Variants in ATRNL1 observed in about 807,000 individuals in gnomAD.
ATRNL1 encodes the protein attractin like 1.
Under a neutral mutation model 182.7 loss-of-function variants are expected in ATRNL1, and 95 were observed. The observed-to-expected ratio is 0.52, with a 90% CI of 0.44 to 0.62. The LOEUF is 0.62. ATRNL1 is among the 20% of genes least tolerant of loss of function. The pLI is 0.00. For missense variants in ATRNL1, 1,471 were observed against 1,679.5 expected (o/e 0.88, Z 2.17); for synonymous variants, 576 against 568.3 (o/e 1.01, Z -0.19).
intron 28 of ATRNL1, among the ~76,000 whole-genome samples, chr10:115,922,734 G>T (rs577959114): frequency 2.0e-5 from 3 of 152,146 alleles, no homozygotes. Context: ...ATGTAGTAGC[G>T]TAAGAACATG....
chr10:115,912,454 A>G (rs967602493), intron 28 of ATRNL1, among the ~76,000 whole-genome samples: 28 of 151,932 alleles, frequency 1.8e-4, no homozygotes, highest in Non-Finnish European at 2.6e-4. Flanking sequence ...ATGATGAAAC[A>G]GGCACATTTT....
chr10:115,899,627 GT>G (rs1952301369), intron 28 of ATRNL1, among the ~76,000 whole-genome samples: 1 of 152,082 alleles, frequency 6.6e-6, no homozygotes, highest in Non-Finnish European at 1.5e-5. Context: ...AAATTTTTAA[GT>G]AAAATGTTGC....
At chr10:115,194,612 G>C (rs1848289672) in intron 8 of ATRNL1, among the ~76,000 whole-genome samples, 2 of 151,544 alleles carry the variant, frequency 1.3e-5, no homozygotes, top group Non-Finnish European at 2.9e-5. Context: ...GTTTCTTCTA[G>C]GCAGCATGTA....
chr10:115,922,369 A>T (rs868923490), intron 28 of ATRNL1, among the ~76,000 whole-genome samples: 1 of 152,242 alleles, frequency 6.6e-6, no homozygotes, highest in Non-Finnish European at 1.5e-5. Context: ...AAAATTAAAT[A>T]TACTTAAGAT....
At chr10:115,286,660 A>G (rs1205163337) in intron 15 of ATRNL1, among the ~76,000 whole-genome samples, 2 of 152,038 alleles carry the variant, frequency 1.3e-5, no homozygotes, top group African/African-American at 4.8e-5. Flanking sequence ...CTTAAAGAGT[A>G]TATAATTTAA....
intron 10 of ATRNL1, among the ~76,000 whole-genome samples, chr10:115,259,915 G>T (rs1352672644): frequency 5.9e-5 from 9 of 152,120 alleles, no homozygotes; most frequent in African/African-American, 2.2e-4. Context: ...ATAATTTTGT[G>T]CCAGAAGGAA....
At chr10:115,375,228 A>G (rs1459388176) in intron 19 of ATRNL1, among the ~76,000 whole-genome samples, 2 of 151,728 alleles carry the variant, frequency 1.3e-5, no homozygotes, top group Non-Finnish European at 2.9e-5. Flanking sequence ...TTATTACCTA[A>G]TGACCTTCTT....
At chr10:115,387,794 A>T (rs1843743594) in intron 19 of ATRNL1, among the ~76,000 whole-genome samples, 1 of 152,004 alleles carries the variant, frequency 6.6e-6, no homozygotes, top group South Asian at 2.1e-4. Context: ...ATTATATTCC[A>T]TTGTATGGAT....
At chr10:115,867,554 G>C (rs891764279) in intron 28 of ATRNL1, among the ~76,000 whole-genome samples, 1 of 152,078 alleles carries the variant, frequency 6.6e-6, no homozygotes, top group Non-Finnish European at 1.5e-5. Context: ...TCCAAGTTCA[G>C]TGTCATTAGC....
intron 26 of ATRNL1, among the ~76,000 whole-genome samples, chr10:115,591,080 A>G (rs1175592354): frequency 2.0e-5 from 3 of 152,224 alleles, no homozygotes; most frequent in Non-Finnish European, 2.9e-5. Flanking sequence ...CTGTACTAGC[A>G]CGTACAAGAT....
intron 27 of ATRNL1, among the ~76,000 whole-genome samples, chr10:115,737,360 C>T (rs1166242878): frequency 4.0e-5 from 6 of 151,106 alleles, no homozygotes; most frequent in Non-Finnish European, 8.8e-5. Context: ...TGCATGAGCC[C>T]GGGAGTTCGA....
intron 27 of ATRNL1, among the ~76,000 whole-genome samples, chr10:115,758,756 C>G (rs553832328): frequency 6.6e-6 from 1 of 152,318 alleles, no homozygotes; most frequent in South Asian, 2.1e-4. Flanking sequence ...GTGCTTTGTC[C>G]CAGGGAGCTG....
At chr10:115,437,745 A>G (rs1324134115) in intron 21 of ATRNL1, among the ~76,000 whole-genome samples, 1 of 152,002 alleles carries the variant, frequency 6.6e-6, no homozygotes, top group Non-Finnish European at 1.5e-5. Context: ...TGGGAATCTG[A>G]CTTTTGAAAT....
intron 8 of ATRNL1, among the ~76,000 whole-genome samples, chr10:115,205,725 G>A (rs1554893575): frequency 1.3e-5 from 2 of 151,804 alleles, no homozygotes; most frequent in Non-Finnish European, 2.9e-5. Flanking sequence ...TTTGGAATGC[G>A]GAAACCTTAC....
intron 27 of ATRNL1, among the ~76,000 whole-genome samples, chr10:115,740,447 A>G (rs1216637002): frequency 2.0e-5 from 3 of 152,086 alleles, no homozygotes; most frequent in Non-Finnish European, 4.4e-5. Flanking sequence ...AGGTGGGAGG[A>G]TCATATGAGG....
At chr10:115,361,862 A>C (rs1451107582) in intron 19 of ATRNL1, among the ~76,000 whole-genome samples, 3 of 152,076 alleles carry the variant, frequency 2.0e-5, no homozygotes, top group African/African-American at 7.2e-5. Flanking sequence ...TAAGGTTTAA[A>C]TTATTGTTTA....
intron 19 of ATRNL1, among the ~76,000 whole-genome samples, chr10:115,348,728 T>G (rs550286561): frequency 6.6e-6 from 1 of 152,298 alleles, no homozygotes; most frequent in South Asian, 2.1e-4. Flanking sequence ...TATAGTGTTA[T>G]GAAGAAATTG....
chr10:115,730,990 T>C (rs558009085), intron 27 of ATRNL1, among the ~76,000 whole-genome samples: 1 of 152,212 alleles, frequency 6.6e-6, no homozygotes, highest in East Asian at 1.9e-4. Flanking sequence ...CAGTCTAGTC[T>C]TTTCGTGTTT....
chr10:115,389,556 A>ATATATGTATGTATG (rs1843888896), intron 19 of ATRNL1, among the ~76,000 whole-genome samples: 1 of 75,284 alleles, frequency 1.3e-5, no homozygotes, highest in African/African-American at 4.9e-5. Context: ...ATATATATAT[A>ATATATGTATGTATG]TATATATATA....
Sources: gnomAD v4.1 joint callset for allele counts (sites outside exome capture counted in the v4.1 genomes callset) on GRCh38, gnomAD v4.1.1 for gene constraint, MANE v1.5 for transcripts, NCBI Gene and HGNC (gene_info 2026-07-23, HGNC 2026-07-21) for gene names.